The following MAP1LC3A variants were observed in gnomAD, a reference collection of about 807,000 sequenced individuals.
MAP1LC3A encodes microtubule associated protein 1 light chain 3 alpha, also known as microtubule-associated protein 1 light chain 3 alpha.
Under a neutral mutation model 15.2 loss-of-function variants are expected in MAP1LC3A, and 10 were observed. That is an observed-to-expected ratio of 0.66 (90% CI 0.41 to 1.12). The LOEUF (loss-of-function observed/expected upper bound fraction) is 1.12. Among genes scored for constraint, MAP1LC3A ranks in the 50% most tolerant of loss-of-function variants. MAP1LC3A has a pLI of 0.00. For missense variants in MAP1LC3A, 138 were observed against 167.3 expected (o/e 0.82, Z 0.97); for synonymous variants, 63 against 64.3 (o/e 0.98, Z 0.10).
intron 2 of MAP1LC3A, among the ~76,000 whole-genome samples, chr20:34,553,588 G>A (rs1282002918): frequency 1.3e-5 from 2 of 152,232 alleles, no homozygotes; most frequent in Non-Finnish European, 2.9e-5. Flanking sequence ...GGCACTGTGT[G>A]TGTGAGGTTT....
chr20:34,558,135 G>GC, upstream of MAP1LC3A: 6 of 984,130 alleles, frequency 6.1e-6, no homozygotes, highest in Non-Finnish European at 7.2e-6. The surrounding 1 kb of genome is among the most constrained non-coding windows in gnomAD (Gnocchi z 4.3). Flanking sequence ...TCTCTGGTGA[G>GC]CTGCTTCCGA....
intron 3 of MAP1LC3A, 99 bp downstream of exon 3, chr20:34,559,552 G>A (rs1482820358): frequency 7.7e-7 from 1 of 1,295,226 alleles, no homozygotes; most frequent in Middle Eastern, 2.6e-4. Context: ...GATGGGACCG[G>A]GCGGTGGGCC....
In MAP1LC3A at chr20:34,560,223, C is replaced by T. The variant is rs951267735; in HGVS notation, c.*325C>T. ...CTCACCCACCCGAGGCTCTGCCCAC[C>T]GCCTGGACCTGCCCACCCCTGAAAG... is the stretch of plus-strand genomic sequence containing the variant. On this transcript the variant is annotated 3_prime_UTR_variant, in exon 4 of 4. Coordinates refer to ENST00000360668, the MANE Select transcript of MAP1LC3A (RefSeq NM_032514.4). The T allele has an allele frequency of 1.1e-4, 30 of 283,818 alleles. No individual in the cohort carries two copies. Among genetic ancestry groups the T allele is most frequent in the Admixed American group, 3.4e-4 (7 of 20,646 alleles). 17.6% of individuals were successfully genotyped at this position (283,818 alleles called of 1,614,324 possible). A position where few individuals can be genotyped will look rare whatever the true frequency, so the allele number is the denominator to read the frequency against.
In MAP1LC3A at chr20:34,559,979, A is replaced by C; in HGVS notation, c.*81A>C. The C allele has an allele frequency of 2.1e-6, 3 of 1,460,116 alleles. No individual in the cohort carries two copies. Among genetic ancestry groups the C allele is most frequent in the South Asian group, 2.7e-5 (2 of 75,160 alleles). 90.4% of individuals were successfully genotyped at this position (1,460,116 alleles called of 1,614,324 possible). A position where few individuals can be genotyped will look rare whatever the true frequency, so the allele number is the denominator to read the frequency against. ...CAGAGAGCTCCTGGTTCCTGAACTG[A>C]GCTGCCTCTACCGTGGTGGGCTGGG... On this transcript the variant is annotated 3_prime_UTR_variant, in exon 4 of 4. Transcript: ENST00000360668.
Position 34,558,812 on chromosome 20 carries a change from G to T in MAP1LC3A, c.-57G>T, listed in dbSNP as rs1005691847. The T allele has an allele frequency of 2.5e-5, 35 of 1,415,528 alleles. No individual in the cohort carries two copies. Among genetic ancestry groups the T allele is most frequent in the Non-Finnish European group, 3.2e-5 (35 of 1,091,838 alleles). 87.7% of individuals were successfully genotyped at this position (1,415,528 alleles called of 1,614,324 possible). ...GCGGAGCCCCCGGAGCCCCCAAACC[G>T]CAGACACATCCCCGCGCCCCAGAGC... is the stretch of plus-strand genomic sequence containing the variant. On this transcript the variant is annotated 5_prime_UTR_variant, in exon 1 of 4. Coordinates refer to ENST00000360668, the MANE Select transcript of MAP1LC3A (RefSeq NM_032514.4). This position sits in a 1 kb window ranked among gnomAD's most constrained non-coding sequence, Gnocchi z 4.3.
chr20:34,559,510 C>G, intron 3 of MAP1LC3A, 57 bp downstream of exon 3: 1 of 1,501,450 alleles, frequency 6.7e-7, no homozygotes, highest in Non-Finnish European at 9.2e-7. Flanking sequence ...GCCGGGTTCC[C>G]GCCGAGAAGG....
At chr20:34,550,626 A>G (rs1981913171) in intron 2 of MAP1LC3A, among the ~76,000 whole-genome samples, 1 of 152,108 alleles carries the variant, frequency 6.6e-6, no homozygotes. Flanking sequence ...GAAAATGAAC[A>G]CCACCAAACG....
At chr20:34,552,365 T>A (rs1162398562) in intron 2 of MAP1LC3A, among the ~76,000 whole-genome samples, 1 of 152,240 alleles carries the variant, frequency 6.6e-6, no homozygotes, top group East Asian at 1.9e-4. Context: ...TTCAAGTGTG[T>A]TTGAACGCTT....
chr20:34,550,412 T>G (rs1981905831), intron 2 of MAP1LC3A, among the ~76,000 whole-genome samples: 1 of 152,102 alleles, frequency 6.6e-6, no homozygotes, highest in Non-Finnish European at 1.5e-5. Flanking sequence ...TGTGGGGGCC[T>G]GGGGGAGGGG....
intron 1 of MAP1LC3A, among the ~76,000 whole-genome samples, chr20:34,547,665 C>T (rs979819749): frequency 6.6e-6 from 1 of 152,074 alleles, no homozygotes; most frequent in African/African-American, 2.4e-5. Flanking sequence ...TGTCGCCTAG[C>T]GAAGAAGGTG....
In MAP1LC3A at chr20:34,559,344, C is replaced by T; in HGVS notation, c.97-3C>T. 6.2e-7 allele frequency: 1 copy of T among 1,611,156 alleles called. No homozygotes were observed. Among genetic ancestry groups the T allele is most frequent in the Non-Finnish European group, 8.5e-7 (1 of 1,178,970 alleles). On this transcript the variant is annotated splice_region_variant and splice_polypyrimidine_tract_variant and intron_variant, in intron 2 of 3. Transcript: ENST00000360668. ...ACCCCCTGCCCGCCCGCCCTGCTCC[C>T]AGGTGATCATCGAGCGCTACAAGGG...
rs985513026 is a variant in MAP1LC3A at position 34,553,129 on chromosome 20, C to T, written c.52+3100C>T. Among the ~76,000 whole-genome samples, 5 of 152,218 alleles carry T rather than the reference C, an allele frequency of 3.3e-5. No homozygotes were observed. In the South Asian group the frequency reaches 6.2e-4, roughly 19 times the overall value. ...GCTTGAAGGTGGGTGGCGGAGGTTG[C>T]GGTACGCCAATATTGTGCCGTTGCA... On this transcript the variant is annotated intron_variant, in intron 2 of 4. Transcript: ENST00000374837.
chr20:34,559,819 C>G lies in MAP1LC3A; in HGVS notation c.287C>G (p.Ala96Gly). 1 of 1,613,984 alleles carries G rather than the reference C, an allele frequency of 6.2e-7. No individual in the cohort carries two copies. Among genetic ancestry groups the G allele is most frequent in the South Asian group, 1.1e-5 (1 of 91,082 alleles). The change falls in exon 4 of 4, where the codon GCG (alanine) becomes GGG (glycine). Residue 96 changes from alanine to glycine, a missense_variant. By Grantham distance (60) the Ala-to-Gly change is moderately conservative. Coordinates refer to ENST00000360668, the MANE Select transcript of MAP1LC3A (RefSeq NM_032514.4). ...HSMVSVSTPI[A>G]DIYEQEKDED... ...ATGGTGAGTGTGTCCACGCCCATCG[C>G]GGACATCTACGAGCAGGAGAAAGAC...
intron 1 of MAP1LC3A, among the ~76,000 whole-genome samples, chr20:34,548,965 C>T (rs146180040): frequency 0.019 from 2,923 of 152,266 alleles, 49 homozygotes; most frequent in South Asian, 0.062. Context: ...CTCGGCCTCC[C>T]GAAGTGCTGG....
chr20:34,552,838 T>G (rs1369549936), intron 2 of MAP1LC3A, among the ~76,000 whole-genome samples: 1 of 152,160 alleles, frequency 6.6e-6, no homozygotes, highest in Non-Finnish European at 1.5e-5. Flanking sequence ...GAGGATGGAC[T>G]GGGTGTGGAG....
At position 34,559,032 on chromosome 20, in the gene MAP1LC3A, G is replaced by T. The variant is rs901605496; in HGVS notation, c.40+124G>T. The T allele has an allele frequency of 6.7e-6, 9 of 1,334,822 alleles. No individual in the cohort carries two copies. In the East Asian group the frequency reaches 2.8e-4, roughly 41 times the overall value. The allele number at this position is 1,334,822 out of a possible 1,614,324, so 82.7% of individuals were successfully genotyped here. ...GGACCCTCGGGCTGGGACCAGCTCCGGCCTGGGCGGGGGCTGCCCGCTTCC... is the reference window on the plus strand; with the variant it reads ...GGACCCTCGGGCTGGGACCAGCTCCTGCCTGGGCGGGGGCTGCCCGCTTCC... On this transcript the variant is annotated intron_variant, in intron 1 of 3. Coordinates refer to ENST00000360668, the MANE Select transcript of MAP1LC3A (RefSeq NM_032514.4).
chr20:34,550,265 C>G (rs552318532), intron 2 of MAP1LC3A, among the ~76,000 whole-genome samples: 2 of 152,194 alleles, frequency 1.3e-5, no homozygotes, highest in Non-Finnish European at 2.9e-5. Context: ...CTGAGACCCC[C>G]TGAGCAGAAA....
At chr20:34,550,504 G>A (rs778948147) in intron 2 of MAP1LC3A, among the ~76,000 whole-genome samples, 2 of 152,198 alleles carry the variant, frequency 1.3e-5, no homozygotes, top group African/African-American at 2.4e-5. Flanking sequence ...CCAAGCATAT[G>A]CAGAACTGCC....
Position 34,559,473 on chromosome 20 carries a change from C to T in MAP1LC3A, c.203+20C>T, listed in dbSNP as rs1405209228. On this transcript the variant is annotated intron_variant, in intron 3 of 3. Coordinates refer to ENST00000360668, the MANE Select transcript of MAP1LC3A (RefSeq NM_032514.4). ...CATCCGGTGCGTGGGCAGCCGCCGCCAGGAGGTGGCTAGGGTCGGGAGGGG... is the reference window on the plus strand; with the variant it reads ...CATCCGGTGCGTGGGCAGCCGCCGCTAGGAGGTGGCTAGGGTCGGGAGGGG... 1.9e-6 allele frequency: 3 copies of T among 1,601,822 alleles called. No homozygotes were observed. The highest frequency in any genetic ancestry group is 2.6e-6 in the Non-Finnish European group (3 of 1,172,364).
Sources: allele counts gnomAD v4.1 joint callset (sites outside exome capture counted in the v4.1 genomes callset), GRCh38; gene constraint gnomAD v4.1.1; non-coding constraint Gnocchi (gnomAD v3.1); transcripts MANE v1.5; gene names NCBI Gene and HGNC (gene_info 2026-07-23, HGNC 2026-07-21).